The following TAFA2 variants were observed in gnomAD, a reference collection of about 807,000 sequenced individuals.
The protein encoded by TAFA2 is chemokine-like protein TAFA-2.
Under a neutral mutation model 18.8 loss-of-function variants are expected in TAFA2, and 7 were observed. The observed-to-expected ratio is 0.37, with a 90% CI of 0.21 to 0.70. The LOEUF (loss-of-function observed/expected upper bound fraction) is 0.70. Among genes scored for constraint, TAFA2 ranks in the 30% least tolerant of loss-of-function variants. The pLI is 0.53. For missense variants in TAFA2, 122 were observed against 158.1 expected, an observed-to-expected ratio of 0.77 and a Z score of 1.23; for synonymous variants, 60 against 54.2, an observed-to-expected ratio of 1.11 and a Z score of -0.47.
chr12:61,842,544 A>C (rs1873229869), intron 2 of TAFA2, among the ~76,000 whole-genome samples: 1 of 151,998 alleles, frequency 6.6e-6, no homozygotes, highest in African/African-American at 2.4e-5. Flanking sequence ...TTTTATAATG[A>C]TCCCATTTAA....
upstream of TAFA2, among the ~76,000 whole-genome samples, chr12:62,195,801 A>C (rs1035593801): frequency 5.9e-5 from 9 of 152,228 alleles, no homozygotes; most frequent in Non-Finnish European, 1.2e-4. Flanking sequence ...TACGATTTTC[A>C]GAATAGCAAA....
chr12:61,864,369 C>A (rs1345658886), intron 2 of TAFA2, among the ~76,000 whole-genome samples: 4 of 147,550 alleles, frequency 2.7e-5, no homozygotes, highest in East Asian at 3.9e-4. Context: ...TATATATATA[C>A]CTATATATAC....
intron 1 of TAFA2, among the ~76,000 whole-genome samples, chr12:62,152,642 C>T (rs1342202758): frequency 6.6e-6 from 1 of 152,124 alleles, no homozygotes; most frequent in Admixed American, 6.6e-5. Flanking sequence ...AGAAGTGAGG[C>T]ATAAAGCTCT....
chr12:61,815,085 T>C (rs12314278), intron 2 of TAFA2, among the ~76,000 whole-genome samples: 7,245 of 151,374 alleles, frequency 0.048, 891 homozygotes, highest in African/African-American at 0.17. Context: ...GAGTTTTGCA[T>C]TAAGTAATTC....
chr12:62,061,001 G>C lies in TAFA2; in HGVS notation c.-2+130258C>G, dbSNP rs1344984815. 2.5e-5 allele frequency among the ~76,000 whole-genome samples: 3 copies of C among 118,066 alleles called. No homozygotes were observed. In the East Asian group the frequency reaches 6.6e-4, roughly 26 times the overall value. 77.5% of individuals were successfully genotyped at this position (118,066 alleles called of 152,430 possible). On this transcript the variant is annotated intron_variant, in intron 1 of 4. Transcript: ENST00000416284. ...CATTTTAAGTAAAGTGTTATTACCA[G>C]AGTCAAAAGTTTAAAAGAAAAAAAA...
intron 1 of TAFA2, among the ~76,000 whole-genome samples, chr12:62,042,411 G>T (rs984292455): frequency 1.8e-5 from 2 of 112,758 alleles, no homozygotes; most frequent in Non-Finnish European, 3.9e-5. Flanking sequence ...CTGTGTGTGT[G>T]TGTGTGTGTG....
At chr12:61,921,169 G>A (rs1285889222) in intron 1 of TAFA2, among the ~76,000 whole-genome samples, 1 of 152,204 alleles carries the variant, frequency 6.6e-6, no homozygotes, top group African/African-American at 2.4e-5. Flanking sequence ...AAGTGTTAAA[G>A]CAGAAGTATG....
At chr12:61,855,007 T>C (rs932507602) in intron 2 of TAFA2, among the ~76,000 whole-genome samples, 10 of 152,076 alleles carry the variant, frequency 6.6e-5, no homozygotes, top group Admixed American at 2.0e-4. Flanking sequence ...GGAAAACCAA[T>C]CCAGACCAGA....
chr12:62,249,071 T>A (rs1377313370), intron 1 of TAFA2, among the ~76,000 whole-genome samples: 2 of 152,082 alleles, frequency 1.3e-5, no homozygotes, highest in Non-Finnish European at 2.9e-5. Flanking sequence ...AAAATTTTTT[T>A]TTTTCATTCC....
At position 61,728,534 on chromosome 12, in the gene TAFA2, T is replaced by G. The variant is rs182455782; in HGVS notation, c.385-18117A>C. On this transcript the variant is annotated intron_variant, in intron 4 of 4. Transcript: ENST00000416284. Reference sequence around the variant, plus strand: ...GCTTTAAAGTCTGTTTTGTCTGATATAAGAATAGCTATTTCTGCTTGCTTT... The same window carrying G: ...GCTTTAAAGTCTGTTTTGTCTGATAGAAGAATAGCTATTTCTGCTTGCTTT... Among the ~76,000 whole-genome samples, 8 of 152,108 alleles carry G rather than the reference T, an allele frequency of 5.3e-5. No homozygotes were observed. The South Asian group carries it at 8.3e-4, about 16-fold the overall frequency.
At chr12:62,101,815 C>A (rs1021999036) in intron 1 of TAFA2, among the ~76,000 whole-genome samples, 1 of 152,056 alleles carries the variant, frequency 6.6e-6, no homozygotes, top group Non-Finnish European at 1.5e-5. Context: ...GTAGCACTAG[C>A]CAATGGTATA....
intron 1 of TAFA2, among the ~76,000 whole-genome samples, chr12:61,956,610 T>C (rs1251309634): frequency 7.4e-6 from 1 of 134,372 alleles, no homozygotes; most frequent in Non-Finnish European, 1.6e-5. Flanking sequence ...AAAGTGGTAG[T>C]AGAATTTTGT....
intron 1 of TAFA2, among the ~76,000 whole-genome samples, chr12:62,047,213 A>G (rs1024078406): frequency 3.3e-5 from 5 of 152,184 alleles, no homozygotes; most frequent in African/African-American, 1.2e-4. Flanking sequence ...TCTATGAGAC[A>G]GAAATAAGGT....
intron 1 of TAFA2, among the ~76,000 whole-genome samples, chr12:61,875,528 A>G (rs778028863): frequency 5.9e-5 from 9 of 152,154 alleles, no homozygotes; most frequent in Non-Finnish European, 1.3e-4. Flanking sequence ...AAAATAAGCC[A>G]TCAAAAATTT....
At chr12:61,935,499 T>C (rs1430429797) in intron 1 of TAFA2, among the ~76,000 whole-genome samples, 1 of 152,178 alleles carries the variant, frequency 6.6e-6, no homozygotes, top group Non-Finnish European at 1.5e-5. Context: ...GTCCATCCAA[T>C]ATACCATCAA....
At chr12:61,753,999 G>T (rs143670223) in intron 3 of TAFA2, among the ~76,000 whole-genome samples, 321 of 152,092 alleles carry the variant, frequency 2.1e-3, no homozygotes, top group African/African-American at 7.3e-3. Context: ...TAATAAAATT[G>T]TAAGTGTAGA....
At position 61,767,784 on chromosome 12, in the gene TAFA2, T is replaced by A. The variant is rs193204178; in HGVS notation, c.107-12760A>T. ...TAAAGAGGACAAGGATGAAGCTCATTTTTTTTTTAGTTTTTAGAAAAAAAA... is the reference window on the plus strand; with the variant it reads ...TAAAGAGGACAAGGATGAAGCTCATATTTTTTTTAGTTTTTAGAAAAAAAA... On this transcript the variant is annotated intron_variant, in intron 2 of 4. Coordinates refer to ENST00000416284, the MANE Select transcript of TAFA2 (RefSeq NM_178539.5). Among the ~76,000 whole-genome samples the A allele has an allele frequency of 1.3e-3, 192 of 147,884 alleles. 1 individual carries two copies. The highest frequency in any genetic ancestry group is 4.7e-3 in the African/African-American group (182 of 38,682).
At chr12:61,883,223 T>C (rs1875226705) in intron 1 of TAFA2, among the ~76,000 whole-genome samples, 1 of 152,184 alleles carries the variant, frequency 6.6e-6, no homozygotes, top group African/African-American at 2.4e-5. Flanking sequence ...TTTGTGATAA[T>C]GTATTGTTTT....
At chr12:62,155,057 T>C (rs962189337) in intron 1 of TAFA2, among the ~76,000 whole-genome samples, 2 of 152,110 alleles carry the variant, frequency 1.3e-5, no homozygotes, top group African/African-American at 4.8e-5. Flanking sequence ...TAAAGACTCC[T>C]CCAGAAAGCT....
Sources: gnomAD v4.1 joint callset for allele counts (sites outside exome capture counted in the v4.1 genomes callset) on GRCh38, gnomAD v4.1.1 for gene constraint, MANE v1.5 for transcripts, NCBI Gene and HGNC (gene_info 2026-07-23, HGNC 2026-07-21) for gene names.